The following PCM1 variants were observed in gnomAD, a reference collection of about 807,000 sequenced individuals.
PCM1 encodes pericentriolar material 1.
PCM1 carries 157 observed loss-of-function variants against 241.9 expected under a neutral mutation model. The ratio of observed to expected loss-of-function variants is 0.65; its 90% CI spans 0.57 to 0.74. The LOEUF (loss-of-function observed/expected upper bound fraction) is 0.74. Ranked by LOEUF, PCM1 falls within the 30% of genes least tolerant of loss-of-function variation. The pLI is 0.00. For missense variants in PCM1, 3,478 were observed against 2,360.1 expected (o/e 1.47, Z -9.81); for synonymous variants, 1,085 against 784.9 (o/e 1.38, Z -6.39).
At chr8:18,023,923 G>C (rs902753327) in intron 36 of PCM1, among the ~76,000 whole-genome samples, 1 of 152,134 alleles carries the variant, frequency 6.6e-6, no homozygotes, top group Non-Finnish European at 1.5e-5. Flanking sequence ...TTCTGTGTCA[G>C]TAGTGGTTAC....
intron 15 of PCM1, 78 bp from the exon 16 acceptor site, chr8:17,961,956 T>C: frequency 7.8e-7 from 1 of 1,285,938 alleles, no homozygotes; most frequent in Non-Finnish European, 1.1e-6. Flanking sequence ...CTTAGTGCCA[T>C]ATTTAAAGTA....
At chr8:17,926,999 G>A (rs1027292298) in intron 2 of PCM1, 9 of 152,146 alleles carry the variant, frequency 5.9e-5, no homozygotes, top group African/African-American at 1.9e-4. Flanking sequence ...GAAGTAGAAA[G>A]TGAAACCATG....
At chr8:18,020,864 G>A (rs1490898685) in intron 36 of PCM1, among the ~76,000 whole-genome samples, 1 of 152,286 alleles carries the variant, frequency 6.6e-6, no homozygotes, top group East Asian at 1.9e-4. Context: ...TTTCTCACTT[G>A]TAGTGGAACC....
intron 23 of PCM1, among the ~76,000 whole-genome samples, chr8:17,974,955 A>C (rs1435943404): frequency 6.6e-6 from 1 of 152,052 alleles, no homozygotes; most frequent in Admixed American, 6.6e-5. Context: ...TATGGGGTAA[A>C]ATCAAATTAG....
intron 2 of PCM1, chr8:17,927,557 T>C (rs1294353769): frequency 6.6e-6 from 1 of 152,158 alleles, no homozygotes; most frequent in Non-Finnish European, 1.5e-5. Flanking sequence ...TGCAACGGGA[T>C]GTTCTTTTTT....
At chr8:17,923,803 TC>T (rs1264009244) in intron 1 of PCM1, among the ~76,000 whole-genome samples, 1 of 151,926 alleles carries the variant, frequency 6.6e-6, no homozygotes, top group Admixed American at 6.6e-5. Flanking sequence ...GCCCCTTCTT[TC>T]TCCCTTCCTA....
chr8:18,010,586 T>TTTATGTATCTAA, intron 31 of PCM1, 23 bp from the exon 32 acceptor site: 1 of 1,560,844 alleles, frequency 6.4e-7, no homozygotes, highest in African/African-American at 1.4e-5. Flanking sequence ...TGCTAAATTC[T>TTTATGTATCTAA]GTGTAATTGA....
chr8:18,001,861 C>T (rs192026916), intron 29 of PCM1, among the ~76,000 whole-genome samples: 25 of 152,114 alleles, frequency 1.6e-4, no homozygotes, highest in African/African-American at 6.0e-4. Context: ...TCTGACTTTA[C>T]AGCTGAGAGG....
At chr8:18,020,660 A>G (rs1202928201) in intron 36 of PCM1, among the ~76,000 whole-genome samples, 2 of 152,256 alleles carry the variant, frequency 1.3e-5, no homozygotes, top group Non-Finnish European at 2.9e-5. Context: ...AATACTGAGC[A>G]AGACATGCTG....
Position 18,029,598 on chromosome 8 carries a change from C to T in PCM1, c.*1936C>T, listed in dbSNP as rs1020136205. Reference sequence around the variant, plus strand: ...AAAATTGCTTATTTGACTGGTGTTACAGCTGCTATTAATCTAAGTCTATTG... The same window carrying T: ...AAAATTGCTTATTTGACTGGTGTTATAGCTGCTATTAATCTAAGTCTATTG... On this transcript the variant is annotated 3_prime_UTR_variant, in exon 39 of 39. Coordinates refer to ENST00000325083, the MANE Select transcript of PCM1 (RefSeq NM_006197.4). 5 of 204,972 alleles carry T rather than the reference C, an allele frequency of 2.4e-5. 1 individual carries two copies. The highest frequency in any genetic ancestry group is 1.9e-4 in the South Asian group (1 of 5,290). 12.7% of individuals were successfully genotyped at this position (204,972 alleles called of 1,614,324 possible).
At chr8:17,930,559 G>A (rs1472062893) in intron 2 of PCM1, among the ~76,000 whole-genome samples, 1 of 152,120 alleles carries the variant, frequency 6.6e-6, no homozygotes, top group Non-Finnish European at 1.5e-5. Context: ...ACTCTTATGA[G>A]GGAGATACTT....
In PCM1 at chr8:18,014,610, C is replaced by A; in HGVS notation, c.5611C>A (p.Pro1871Thr). The A allele has an allele frequency of 6.2e-7, 1 of 1,610,284 alleles. No individual in the cohort carries two copies. Among genetic ancestry groups the A allele is most frequent in the Non-Finnish European group, 8.5e-7 (1 of 1,177,322 alleles). ...KNDQNNCPVK[P>T]CYLNILEDEQ... ...TGACCAAAATAACTGTCCTGTGAAA[C>A]CCTGTTACCTCAATATCTTGGAAGA... Residue 1871 changes from proline (P) to threonine (T), a missense_variant, in exon 36 of 39, where the codon CCC (proline) becomes ACC (threonine). Transcript: ENST00000325083.
chr8:18,018,271 AG>A (rs373955607), intron 36 of PCM1, among the ~76,000 whole-genome samples: 20 of 152,368 alleles, frequency 1.3e-4, no homozygotes, highest in East Asian at 9.6e-4. Context: ...TCCTACAAGC[AG>A]GAATTGATCA....
At chr8:18,011,152 GATC>G (rs2092440715) in intron 32 of PCM1, 82 bp from the exon 33 acceptor site, 3 of 833,826 alleles carry the variant, frequency 3.6e-6, no homozygotes, top group Non-Finnish European at 5.1e-6. Context: ...ATTAGATAAT[GATC>G]ATTATTAATA....
intron 22 of PCM1, among the ~76,000 whole-genome samples, chr8:17,972,093 A>G (rs1269075058): frequency 2.0e-5 from 3 of 152,180 alleles, no homozygotes; most frequent in East Asian, 3.9e-4. Context: ...GATCTTTGAT[A>G]AGGAACTTTT....
chr8:17,967,272 G>A (rs1471315073), intron 21 of PCM1, 102 bp downstream of exon 21: 2 of 779,668 alleles, frequency 2.6e-6, no homozygotes, highest in East Asian at 2.9e-5. Flanking sequence ...TTTGGAGTGG[G>A]GTAGGAAATG....
chr8:17,943,939 C>T (rs923024014), intron 6 of PCM1, among the ~76,000 whole-genome samples: 1 of 152,146 alleles, frequency 6.6e-6, no homozygotes, highest in South Asian at 2.1e-4. Flanking sequence ...GATTGATATT[C>T]TAGAGCTGCC....
intron 9 of PCM1, among the ~76,000 whole-genome samples, chr8:17,955,153 C>T (rs1449630200): frequency 6.6e-6 from 1 of 152,026 alleles, no homozygotes; most frequent in African/African-American, 2.4e-5. Context: ...AACTAGAGTA[C>T]TTCTCTAGTT....
At chr8:17,963,427 C>T in intron 17 of PCM1, 136 bp downstream of exon 17, 1 of 576,258 alleles carries the variant, frequency 1.7e-6, no homozygotes. Flanking sequence ...TAACTACCAC[C>T]TTTGTGACCC....
Sources: allele counts gnomAD v4.1 joint callset (sites outside exome capture counted in the v4.1 genomes callset), GRCh38; gene constraint gnomAD v4.1.1; transcripts MANE v1.5; gene names NCBI Gene and HGNC (gene_info 2026-07-23, HGNC 2026-07-21).